The following SCN11A variants were observed in gnomAD, a reference collection of about 807,000 sequenced individuals.
SCN11A encodes the protein sodium channel protein type 11 subunit alpha.
A neutral mutation model predicts 162.2 loss-of-function variants in SCN11A; 122 were observed. The ratio of observed to expected loss-of-function variants is 0.75; its 90% confidence interval spans 0.65 to 0.87. The LOEUF (loss-of-function observed/expected upper bound fraction) is 0.87. Ranked by LOEUF, SCN11A falls within the 40% of genes least tolerant of loss-of-function variation. The probability of loss-of-function intolerance (pLI) is 0.00; values close to 1 mark genes in which losing one functional copy is unlikely to be tolerated. For missense variants in SCN11A, 2,015 were observed against 2,181.6 expected (o/e 0.92, Z 1.52); for synonymous variants, 758 against 751.5 (o/e 1.01, Z -0.14).
At chr3:39,045,427 C>T (rs2032159547) in intron 1 of SCN11A, among the ~76,000 whole-genome samples, 1 of 152,104 alleles carries the variant, frequency 6.6e-6, no homozygotes, top group African/African-American at 2.4e-5. Context: ...AACAACACAT[C>T]AAAAGGATTA....
At chr3:39,031,759 A>AAGACTATT (rs2031765110) in intron 2 of SCN11A, among the ~76,000 whole-genome samples, 1 of 152,120 alleles carries the variant, frequency 6.6e-6, no homozygotes, top group African/African-American at 2.4e-5. Context: ...TTCTTCAAAG[A>AAGACTATT]AGACTATTAA....
intron 5 of SCN11A, among the ~76,000 whole-genome samples, chr3:38,948,060 T>G (rs2066544761): frequency 6.6e-6 from 1 of 152,224 alleles, no homozygotes; most frequent in South Asian, 2.1e-4. Context: ...TGGGATTGAC[T>G]GGTCTGATGG....
rs2066017114 is a variant in SCN11A, at chr3:38,919,889, T to A, written c.959+46A>T. ...CTGTTTGCCACACCATTCTAAAAGG[T>A]CTAGAGGTACTCTTCTTGGGAGGAA... On this transcript the variant is annotated intron_variant, in intron 11 of 29. Coordinates refer to ENST00000302328, the MANE Select transcript of SCN11A (RefSeq NM_001349253.2). 5.0e-6 allele frequency: 7 copies of A among 1,391,606 alleles called. No individual in the cohort carries two copies. The East Asian group carries it at 1.6e-4, about 32-fold the overall frequency. The allele number at this position is 1,391,606 out of a possible 1,614,324, so 86.2% of individuals were successfully genotyped here. A position where few individuals can be genotyped will look rare whatever the true frequency, so the allele number is the denominator to read the frequency against.
At chr3:38,995,810 T>C (rs1029163260) in intron 2 of SCN11A, among the ~76,000 whole-genome samples, 1 of 147,200 alleles carries the variant, frequency 6.8e-6, no homozygotes, top group Non-Finnish European at 1.5e-5. Context: ...TCTATCTATC[T>C]ATCTATCTGT....
At chr3:39,010,601 A>C (rs2031103841) in intron 2 of SCN11A, among the ~76,000 whole-genome samples, 1 of 151,930 alleles carries the variant, frequency 6.6e-6, no homozygotes, top group South Asian at 2.1e-4. Context: ...GATGGTCTTG[A>C]TCTCCTGACC....
intron 2 of SCN11A, among the ~76,000 whole-genome samples, chr3:38,999,936 T>G (rs2030757352): frequency 1.3e-5 from 2 of 152,298 alleles, no homozygotes; most frequent in South Asian, 4.1e-4. Context: ...AGAAGTGTGA[T>G]GATGGATATA....
At chr3:38,859,204 CA>C (rs1246550044) in intron 28 of SCN11A, among the ~76,000 whole-genome samples, 3 of 150,544 alleles carry the variant, frequency 2.0e-5, no homozygotes, top group South Asian at 2.1e-4. Context: ...TAAACTGAAA[CA>C]AAAAAAATAC....
chr3:38,871,858 GC>G, intron 24 of SCN11A, 150 bp from the exon 25 acceptor site: 1 of 685,870 alleles, frequency 1.5e-6, no homozygotes. Flanking sequence ...CCCATGACAA[GC>G]CCTGCTCTCA....
At chr3:39,032,967 C>T (rs2031800981) in intron 1 of SCN11A, among the ~76,000 whole-genome samples, 2 of 152,122 alleles carry the variant, frequency 1.3e-5, no homozygotes, top group African/African-American at 2.4e-5. Flanking sequence ...GCCTGGCCAA[C>T]ATGGCGAAAC....
In SCN11A at chr3:38,894,776, T is replaced by A; in HGVS notation, c.2592A>T (p.Pro864=). The change falls in exon 19 of 30, where the codon CCA becomes CCT. Residue 864 remains proline, a synonymous_variant. Coordinates refer to ENST00000302328, the MANE Select transcript of SCN11A (RefSeq NM_001349253.2). ...AGCCTCCTGCCACCTCTTTTTGCTG[T>A]GGTAAGTTTTGCTTCCTGCACCACT... ...CHKWCRKQNL[P]QQKEVAGGCA... The A allele has an allele frequency of 6.2e-7, 1 of 1,614,186 alleles. No homozygotes were observed. Among genetic ancestry groups the A allele is most frequent in the South Asian group, 1.1e-5 (1 of 91,088 alleles).
At chr3:38,903,215 G>A (rs1465555558) in intron 16 of SCN11A, among the ~76,000 whole-genome samples, 1 of 152,038 alleles carries the variant, frequency 6.6e-6, no homozygotes, top group Non-Finnish European at 1.5e-5. Context: ...TCTGATATTC[G>A]AGGGACTAAT....
At position 38,847,457 on chromosome 3, in the gene SCN11A, G is replaced by T; in HGVS notation, c.4613C>A (p.Ala1538Asp). 1 of 1,614,166 alleles carries T rather than the reference G, an allele frequency of 6.2e-7. No homozygotes were observed. The change falls in exon 30 of 30, where the codon GCC becomes GAC. Residue 1538 changes from alanine (A) to aspartate (D), a missense_variant. Coordinates refer to ENST00000302328, the MANE Select transcript of SCN11A (RefSeq NM_001349253.2). ...CTGGAAGAGACAGAGCATGCTGCTGGCAAAAGTCTTGAAGTTGAATATGTC... is the reference window on the plus strand; with the variant it reads ...CTGGAAGAGACAGAGCATGCTGCTGTCAAAAGTCTTGAAGTTGAATATGTC... ...IDDIFNFKTF[A>D]SSMLCLFQIS...
In SCN11A at chr3:39,024,339, T is replaced by C. The variant is rs564236918; in HGVS notation, c.-280+8041A>G. Among the ~76,000 whole-genome samples the C allele has an allele frequency of 1.2e-4, 18 of 152,358 alleles. No homozygotes were observed. In the East Asian group the frequency reaches 1.7e-3, roughly 15 times the overall value. ...CAGAATCTTCTTGGCCTCTCTGTTG[T>C]AGCATTTATTCCTCCTGGGTATGGG... On this transcript the variant is annotated intron_variant, in intron 2 of 29. Coordinates refer to ENST00000302328, the MANE Select transcript of SCN11A (RefSeq NM_001349253.2).
intron 4 of SCN11A, 90 bp from the exon 5 acceptor site, chr3:38,950,459 G>T: frequency 7.5e-7 from 1 of 1,332,116 alleles, no homozygotes; most frequent in South Asian, 1.3e-5. Context: ...CTTAAAGGAT[G>T]GTGTCATAAG....
chr3:38,939,917 A>T (rs970043991), intron 7 of SCN11A, among the ~76,000 whole-genome samples: 5 of 151,850 alleles, frequency 3.3e-5, no homozygotes, highest in Non-Finnish European at 5.9e-5. Context: ...AAAAAAAAAA[A>T]TTTAATACAT....
At position 38,847,495 on chromosome 3, in the gene SCN11A, C is replaced by A; in HGVS notation, c.4575G>T (p.Glu1525Asp). ...GMNWFSKVNP[E>D]SGIDDIFNFK... The stretch of plus-strand genomic sequence containing the variant: ...AGTTGAATATGTCATCGATTCCAGA[C>A]TCTGGATTCACTTTGGAAAACCAGT... Residue 1525 changes from glutamate (E) to aspartate (D), a missense_variant, in exon 30 of 30, where the codon GAG becomes GAT. Physicochemically the swap from Glu to Asp is conservative, Grantham distance 45. Coordinates refer to ENST00000302328, the MANE Select transcript of SCN11A (RefSeq NM_001349253.2). 1 of 1,614,184 alleles carries A rather than the reference C, an allele frequency of 6.2e-7. No homozygotes were observed. Among genetic ancestry groups the A allele is most frequent in the Non-Finnish European group, 8.5e-7 (1 of 1,180,006 alleles).
At chr3:38,986,069 A>G (rs895557787) in intron 2 of SCN11A, among the ~76,000 whole-genome samples, 1 of 151,100 alleles carries the variant, frequency 6.6e-6, no homozygotes, top group Non-Finnish European at 1.5e-5. Flanking sequence ...GTAAGGCAAA[A>G]GCCACAATGT....
intron 1 of SCN11A, among the ~76,000 whole-genome samples, chr3:39,042,954 T>C (rs1454684315): frequency 6.4e-5 from 2 of 31,344 alleles, no homozygotes; most frequent in Admixed American, 8.3e-4. Flanking sequence ...CGAAACTCCA[T>C]CTCAAAAAAA....
At chr3:38,928,768 T>C (rs1404848675) in intron 7 of SCN11A, among the ~76,000 whole-genome samples, 1 of 152,106 alleles carries the variant, frequency 6.6e-6, no homozygotes, top group Non-Finnish European at 1.5e-5. Context: ...CTACTATTTT[T>C]TAAAAAACCT....
Sources: allele counts gnomAD v4.1 joint callset (sites outside exome capture counted in the v4.1 genomes callset), GRCh38; gene constraint gnomAD v4.1.1; transcripts MANE v1.5; gene names NCBI Gene and HGNC (gene_info 2026-07-23, HGNC 2026-07-21).